The following FBXL7 variants were observed in gnomAD, a reference collection of about 807,000 sequenced individuals.
FBXL7 encodes the protein F-box and leucine rich repeat protein 7.
In FBXL7, 12 loss-of-function variants were observed where a neutral mutation model predicts 38.3. That is an observed-to-expected ratio of 0.31 (90% CI 0.20 to 0.51). The LOEUF is 0.51. Ranked by LOEUF, FBXL7 falls within the 20% of genes least tolerant of loss-of-function variation. The pLI, the probability that FBXL7 is intolerant of heterozygous loss-of-function variation, is 0.98. For missense variants in FBXL7, 567 were observed against 676.4 expected (o/e 0.84, Z 1.79); for synonymous variants, 297 against 300.9 (o/e 0.99, Z 0.13).
chr5:15,746,015 T>TG (rs2126679900), intron 2 of FBXL7, among the ~76,000 whole-genome samples: 1 of 152,168 alleles, frequency 6.6e-6, no homozygotes, highest in South Asian at 2.1e-4. Flanking sequence ...GGAATCTTGG[T>TG]GGTGAGAGGG....
intron 1 of FBXL7, among the ~76,000 whole-genome samples, chr5:15,525,117 A>G (rs1737214738): frequency 6.6e-6 from 1 of 152,208 alleles, no homozygotes; most frequent in African/African-American, 2.4e-5. Flanking sequence ...CTTTAAAATG[A>G]GAAGAGTGCT....
chr5:15,812,208 AC>A, intron 2 of FBXL7, among the ~76,000 whole-genome samples: 1 of 152,242 alleles, frequency 6.6e-6, no homozygotes, highest in Middle Eastern at 3.4e-3. Context: ...GAAGCTGGAA[AC>A]CATCATTCTC....
At chr5:15,574,436 T>G (rs1232938131) in intron 1 of FBXL7, among the ~76,000 whole-genome samples, 1 of 152,260 alleles carries the variant, frequency 6.6e-6, no homozygotes, top group African/African-American at 2.4e-5. Flanking sequence ...ACTTTGGATA[T>G]GTACTTCATT....
intron 2 of FBXL7, among the ~76,000 whole-genome samples, chr5:15,806,315 G>A (rs983815755): frequency 6.6e-6 from 1 of 152,098 alleles, no homozygotes; most frequent in African/African-American, 2.4e-5. Flanking sequence ...AGCACTTAGT[G>A]CATTAATTTG....
chr5:15,555,790 G>A (rs867554060), intron 1 of FBXL7, among the ~76,000 whole-genome samples: 39 of 146,554 alleles, frequency 2.7e-4, no homozygotes, highest in African/African-American at 9.3e-4. Context: ...AGATGAGATA[G>A]ATAGATAGAT....
intron 2 of FBXL7, among the ~76,000 whole-genome samples, chr5:15,906,316 AG>A (rs1245551427): frequency 6.6e-6 from 1 of 152,092 alleles, no homozygotes; most frequent in Non-Finnish European, 1.5e-5. Context: ...TAAACTTCTA[AG>A]TATCTTTCTA....
chr5:15,812,849 C>G (rs1737904187), intron 2 of FBXL7, among the ~76,000 whole-genome samples: 2 of 152,074 alleles, frequency 1.3e-5, no homozygotes, highest in Non-Finnish European at 1.5e-5. Context: ...TCCTTCACAT[C>G]CTTGTAAGTT....
chr5:15,903,006 G>A (rs1306748475), intron 2 of FBXL7, among the ~76,000 whole-genome samples: 2 of 152,222 alleles, frequency 1.3e-5, no homozygotes, highest in Non-Finnish European at 2.9e-5. Context: ...TGCTTGGGCA[G>A]GAAAGATACA....
intron 1 of FBXL7, among the ~76,000 whole-genome samples, chr5:15,590,465 C>A (rs1739436629): frequency 6.6e-6 from 1 of 151,950 alleles, no homozygotes; most frequent in African/African-American, 2.4e-5. Context: ...AGTTCAAGTT[C>A]CCTACCATGG....
In FBXL7 at chr5:15,553,943, CTGCTTGGT is replaced by C. The variant is rs35020332; in HGVS notation, c.37+53233_37+53240del. Among the ~76,000 whole-genome samples, 555 of 152,230 alleles carry C rather than the reference CTGCTTGGT, an allele frequency of 3.6e-3. 5 individuals carry two copies. Among genetic ancestry groups the C allele is most frequent in the African/African-American group, 0.013 (530 of 41,548 alleles). Reference sequence around the variant, plus strand: ...TTTCTTTATGTTTGTCTTCACAATTCTGCTTGGTTGAAATGGCCTTAAAGCCCAATTAC... The same window carrying C: ...TTTCTTTATGTTTGTCTTCACAATTCTGAAATGGCCTTAAAGCCCAATTAC... On this transcript the variant is annotated intron_variant, in intron 1 of 3. Coordinates refer to ENST00000504595, the MANE Select transcript of FBXL7 (RefSeq NM_012304.5).
chr5:15,643,596 T>A (rs1371032311), intron 2 of FBXL7, among the ~76,000 whole-genome samples: 2 of 152,192 alleles, frequency 1.3e-5, no homozygotes, highest in East Asian at 3.9e-4. Context: ...AAATGTTAAG[T>A]GTGGAACTTT....
chr5:15,761,461 T>A (rs1736437527), intron 2 of FBXL7, among the ~76,000 whole-genome samples: 1 of 152,164 alleles, frequency 6.6e-6, no homozygotes, highest in Non-Finnish European at 1.5e-5. Context: ...GCCCATTGAA[T>A]CTCTTCACTT....
chr5:15,751,648 A>G (rs563415727), intron 2 of FBXL7, among the ~76,000 whole-genome samples: 4 of 152,228 alleles, frequency 2.6e-5, no homozygotes, highest in Non-Finnish European at 5.9e-5. Flanking sequence ...GAACCTTACC[A>G]TAGTCAAAGC....
intron 1 of FBXL7, among the ~76,000 whole-genome samples, chr5:15,561,028 T>C (rs1273089645): frequency 6.6e-6 from 1 of 152,188 alleles, no homozygotes; most frequent in African/African-American, 2.4e-5. Context: ...ATGTTTCCGT[T>C]TTTTGTGGAA....
At chr5:15,863,565 C>G (rs1379701235) in intron 2 of FBXL7, among the ~76,000 whole-genome samples, 47 of 152,132 alleles carry the variant, frequency 3.1e-4, no homozygotes, top group Admixed American at 3.0e-3. Flanking sequence ...TTCTGTGTTC[C>G]TCTTGCTGTC....
chr5:15,871,242 G>A (rs563171408), intron 2 of FBXL7, among the ~76,000 whole-genome samples: 3 of 152,240 alleles, frequency 2.0e-5, no homozygotes, highest in Admixed American at 6.5e-5. Context: ...CAAACAAAAA[G>A]CAATAGCATC....
rs962212973 is a variant in FBXL7 at position 15,673,779 on chromosome 5, AT to A, written c.127+57718del. Among the ~76,000 whole-genome samples, 787 of 147,232 alleles carry A rather than the reference AT, an allele frequency of 5.3e-3. 1 individual carries two copies. Among genetic ancestry groups the A allele is most frequent in the African/African-American group, 0.011 (425 of 40,450 alleles). On this transcript the variant is annotated intron_variant, in intron 2 of 3. Transcript: ENST00000504595. Reference sequence around the variant, plus strand: ...ATCTTGGCTCTTAATTATTATTATTATTTTTTTTTTTAGTATTCAGCCAACA... The same window carrying A: ...ATCTTGGCTCTTAATTATTATTATTATTTTTTTTTTAGTATTCAGCCAACA...
In FBXL7 at chr5:15,606,181, G is replaced by GT. The variant is rs531498958; in HGVS notation, c.38-9796dup. Among the ~76,000 whole-genome samples, 39 of 152,100 alleles carry GT rather than the reference G, an allele frequency of 2.6e-4. No individual in the cohort carries two copies. In the East Asian group the frequency reaches 7.1e-3, roughly 28 times the overall value. On this transcript the variant is annotated intron_variant, in intron 1 of 3. Transcript: ENST00000504595. ...TATCTTTTCTTTTTCTATTTTATAG[G>GT]TTTTTTGATCAGTTTTCTTTCTAGA...
Position 15,827,648 on chromosome 5 carries a change from C to T in FBXL7, c.128-100242C>T, listed in dbSNP as rs917371327. Among the ~76,000 whole-genome samples, 12 of 152,178 alleles carry T rather than the reference C, an allele frequency of 7.9e-5. No homozygotes were observed. The East Asian group carries it at 1.4e-3, about 17-fold the overall frequency. On this transcript the variant is annotated intron_variant, in intron 2 of 3. Transcript: ENST00000504595. ...TACCAATGAATCCACTCCATGATAA[C>T]GACATTAATCCATTCTGGAGGACAG...
Sources: gnomAD v4.1 joint callset for allele counts (sites outside exome capture counted in the v4.1 genomes callset) on GRCh38, gnomAD v4.1.1 for gene constraint, MANE v1.5 for transcripts, NCBI Gene and HGNC (gene_info 2026-07-23, HGNC 2026-07-21) for gene names.